Variants in LEF1 observed in about 807,000 individuals in gnomAD.
LEF1 encodes lymphoid enhancer-binding factor 1.
LEF1 carries 14 observed loss-of-function variants against 51.2 expected under a neutral mutation model. That is an observed-to-expected ratio of 0.27 (90% CI 0.18 to 0.43). The LOEUF is 0.43. LEF1 is among the 20% of genes least tolerant of loss of function. LEF1 has a pLI of 1.00. For missense variants in LEF1, 386 were observed against 512.0 expected, an observed-to-expected ratio of 0.75 and a Z score of 2.37; for synonymous variants, 185 against 183.2, an observed-to-expected ratio of 1.01 and a Z score of -0.08.
chr4:108,166,354 C>G, intron 1 of LEF1: 2 of 1,507,218 alleles, frequency 1.3e-6, no homozygotes, highest in Non-Finnish European at 1.8e-6. Flanking sequence ...GCCCTCAAAA[C>G]CACACACTTT....
At chr4:108,165,026 A>C (rs1178138567) in intron 2 of LEF1, 71 bp downstream of exon 2, 2 of 1,384,104 alleles carry the variant, frequency 1.4e-6, no homozygotes, top group African/African-American at 2.8e-5. Context: ...CAAAAGTAAC[A>C]AAACACACCT....
At chr4:108,073,096 A>G (rs1293673203) in intron 8 of LEF1, among the ~76,000 whole-genome samples, 1 of 152,190 alleles carries the variant, frequency 6.6e-6, no homozygotes, top group African/African-American at 2.4e-5. Context: ...AAGAAAAGCA[A>G]TATTTATGGT....
intron 5 of LEF1, 39 bp downstream of exon 5, chr4:108,083,317 G>T: frequency 7.4e-7 from 1 of 1,350,602 alleles, no homozygotes; most frequent in Non-Finnish European, 1.1e-6. Flanking sequence ...AGGAACATGT[G>T]TTCAAATGCC....
At chr4:108,091,850 A>C (rs1027147624) in intron 3 of LEF1, among the ~76,000 whole-genome samples, 1 of 152,182 alleles carries the variant, frequency 6.6e-6, no homozygotes, top group Non-Finnish European at 1.5e-5. Context: ...TCAACGCCCA[A>C]ATGTTAAAAT....
chr4:108,095,901 T>C (rs1231508552), intron 3 of LEF1, among the ~76,000 whole-genome samples: 1 of 152,082 alleles, frequency 6.6e-6, no homozygotes, highest in Admixed American at 6.6e-5. Context: ...TGAGGAAAGA[T>C]CAGGGTAAAG....
intron 3 of LEF1, among the ~76,000 whole-genome samples, chr4:108,118,501 T>A (rs1741973425): frequency 6.6e-6 from 1 of 152,324 alleles, no homozygotes; most frequent in Admixed American, 6.5e-5. Context: ...ATACACCCAA[T>A]GAATGACATG....
chr4:108,078,144 G>T (rs4956156), intron 8 of LEF1, 76 bp downstream of exon 8: 1,231,288 of 1,365,052 alleles, frequency 0.9, 556,785 homozygotes, highest in East Asian at 0.96. Flanking sequence ...ACCTGATATG[G>T]GATTAAATTG....
chr4:108,089,644 T>C (rs993880656), intron 3 of LEF1, among the ~76,000 whole-genome samples: 9 of 152,332 alleles, frequency 5.9e-5, no homozygotes, highest in Admixed American at 2.6e-4. Context: ...TTTACAACAT[T>C]TGTATTCACT....
intron 3 of LEF1, among the ~76,000 whole-genome samples, chr4:108,112,273 G>A (rs1393519492): frequency 6.6e-6 from 1 of 152,228 alleles, no homozygotes; most frequent in Non-Finnish European, 1.5e-5. Flanking sequence ...TCTGTAAGCA[G>A]AGGTCCAAGG....
In LEF1 at chr4:108,047,672, A is replaced by T. The variant is rs1195239431; in HGVS notation, c.*1086T>A. 1.3e-5 allele frequency: 2 copies of T among 152,686 alleles called. No homozygotes were observed. Among genetic ancestry groups the T allele is most frequent in the Non-Finnish European group, 2.9e-5 (2 of 68,046 alleles). The allele number at this position is 152,686 out of a possible 1,614,324, so 9.5% of individuals were successfully genotyped here. ...GGCAAAGGCTGTGCCTTGCTTTTTT[A>T]AAAAATGGGTACATCAATGCTCATT... On this transcript the variant is annotated 3_prime_UTR_variant, in exon 12 of 12. Transcript: ENST00000265165.
chr4:108,123,297 T>G (rs550276344), intron 3 of LEF1, among the ~76,000 whole-genome samples: 1 of 152,154 alleles, frequency 6.6e-6, no homozygotes, highest in Admixed American at 6.5e-5. Flanking sequence ...AGGACAGCAT[T>G]TTTCTTCTTC....
intron 1 of LEF1, among the ~76,000 whole-genome samples, chr4:108,165,636 G>T (rs1745336229): frequency 6.6e-6 from 1 of 152,184 alleles, no homozygotes; most frequent in African/African-American, 2.4e-5. Flanking sequence ...CAACCACTCA[G>T]ATGCGGTCTT....
intron 11 of LEF1, among the ~76,000 whole-genome samples, chr4:108,057,872 CTTT>C (rs1376802677): frequency 1.4e-5 from 2 of 143,084 alleles, no homozygotes; most frequent in South Asian, 2.2e-4. Context: ...TTTTTTTTAT[CTTT>C]TTTTTTTTTT....
At chr4:108,095,130 C>G (rs181568603) in intron 3 of LEF1, among the ~76,000 whole-genome samples, 1 of 152,188 alleles carries the variant, frequency 6.6e-6, no homozygotes, top group African/African-American at 2.4e-5. Context: ...CAGATAAGAA[C>G]GAGGCCCCAG....
intron 8 of LEF1, among the ~76,000 whole-genome samples, chr4:108,077,710 G>A (rs1738984719): frequency 6.7e-6 from 1 of 149,728 alleles, no homozygotes; most frequent in South Asian, 2.1e-4. Context: ...GGGAAGTGAG[G>A]GGCGCCTCTG....
intron 3 of LEF1, among the ~76,000 whole-genome samples, chr4:108,138,840 G>A (rs984738852): frequency 6.6e-6 from 1 of 152,212 alleles, no homozygotes; most frequent in Non-Finnish European, 1.5e-5. Flanking sequence ...ATGCCTATGT[G>A]ACCTACATGT....
At chr4:108,060,695 C>A (rs1449474178) in intron 11 of LEF1, among the ~76,000 whole-genome samples, 3 of 152,026 alleles carry the variant, frequency 2.0e-5, no homozygotes, top group Non-Finnish European at 4.4e-5. Flanking sequence ...TAAAAGCAGA[C>A]CCCTAAGTTA....
intron 11 of LEF1, among the ~76,000 whole-genome samples, chr4:108,062,280 G>A (rs755035297): frequency 2.6e-5 from 4 of 152,280 alleles, no homozygotes; most frequent in Non-Finnish European, 5.9e-5. Flanking sequence ...AGGGCCACCT[G>A]GTTTAGTCAA....
At chr4:108,129,559 G>C (rs963774908) in intron 3 of LEF1, among the ~76,000 whole-genome samples, 1 of 152,136 alleles carries the variant, frequency 6.6e-6, no homozygotes, top group Non-Finnish European at 1.5e-5. Flanking sequence ...GCAAAGGAGA[G>C]AGAGAACAAT....
Sources: gnomAD v4.1 joint callset for allele counts (sites outside exome capture counted in the v4.1 genomes callset) on GRCh38, gnomAD v4.1.1 for gene constraint, MANE v1.5 for transcripts, NCBI Gene and HGNC (gene_info 2026-07-23, HGNC 2026-07-21) for gene names.